CADPS: variants seen among roughly 807,000 people sequenced by gnomAD.
CADPS encodes calcium-dependent secretion activator 1.
In CADPS, 57 loss-of-function variants were observed where a neutral mutation model predicts 167.3. The observed-to-expected ratio is 0.34, with a 90% CI of 0.28 to 0.42. The LOEUF (loss-of-function observed/expected upper bound fraction) is 0.42, where lower values mean the gene tolerates loss of function less well. Among genes scored for constraint, CADPS ranks in the 20% least tolerant of loss-of-function variants. CADPS has a pLI of 1.00. For missense variants in CADPS, 1,414 were observed against 1,738.1 expected (o/e 0.81, Z 3.32); for synonymous variants, 676 against 635.3 (o/e 1.06, Z -0.96).
rs533712808 is a variant in CADPS at position 62,499,526 on chromosome 3, G to A, written c.2600-258C>T. 2.2e-5 allele frequency: 6 copies of A among 277,780 alleles called. No individual in the cohort carries two copies. The South Asian group carries it at 3.5e-4, about 16-fold the overall frequency. The allele number at this position is 277,780 out of a possible 1,614,324, so 17.2% of individuals were successfully genotyped here. ...ATGAAGCTATATTAAGTCTATGACA[G>A]CCCATATCAAATTTAGTGACATTTT... On this transcript the variant is annotated intron_variant, in intron 17 of 29. Transcript: ENST00000383710.
At chr3:62,427,249 T>C (rs2052937518) in intron 28 of CADPS, among the ~76,000 whole-genome samples, 1 of 152,158 alleles carries the variant, frequency 6.6e-6, no homozygotes, top group South Asian at 2.1e-4. Context: ...AATTGCTTTT[T>C]ATTTTTTAGC....
chr3:62,434,818 C>T (rs1007893556), intron 28 of CADPS, among the ~76,000 whole-genome samples: 2 of 152,136 alleles, frequency 1.3e-5, no homozygotes, highest in African/African-American at 4.8e-5. Flanking sequence ...ACCATCCAGC[C>T]TTTTCTACAA....
At chr3:62,759,613 G>A (rs973264463) in intron 2 of CADPS, among the ~76,000 whole-genome samples, 3 of 152,266 alleles carry the variant, frequency 2.0e-5, no homozygotes, top group South Asian at 4.1e-4. Flanking sequence ...AATAAAAGAA[G>A]TGGGTCCTTA....
intron 28 of CADPS, among the ~76,000 whole-genome samples, chr3:62,426,163 A>T (rs1460070468): frequency 6.6e-6 from 1 of 151,868 alleles, no homozygotes; most frequent in African/African-American, 2.4e-5. Context: ...TTATTTATTT[A>T]TTTTTTTAGA....
chr3:62,679,379 A>C (rs567260873), intron 3 of CADPS, among the ~76,000 whole-genome samples: 28 of 80,796 alleles, frequency 3.5e-4, no homozygotes, highest in African/African-American at 8.0e-4. Flanking sequence ...GTCCAGAGAG[A>C]TGCTGGTCCA....
chr3:62,570,065 T>C (rs2081005461), intron 9 of CADPS, among the ~76,000 whole-genome samples: 1 of 152,142 alleles, frequency 6.6e-6, no homozygotes, highest in South Asian at 2.1e-4. Flanking sequence ...AGATATTCCC[T>C]GCAGCCTTGT....
intron 5 of CADPS, among the ~76,000 whole-genome samples, chr3:62,649,870 G>A (rs1035688929): frequency 2.0e-5 from 3 of 151,880 alleles, no homozygotes; most frequent in East Asian, 1.9e-4. Context: ...TTCACCAGGC[G>A]TATTTTTGAG....
chr3:62,704,776 T>A (rs988598365), intron 3 of CADPS, among the ~76,000 whole-genome samples: 19 of 152,182 alleles, frequency 1.2e-4, no homozygotes, highest in Non-Finnish European at 1.9e-4. Flanking sequence ...GGATCCAGTA[T>A]CAAACAGCAC....
At chr3:62,795,700 T>G (rs1002965635) in intron 1 of CADPS, among the ~76,000 whole-genome samples, 3 of 152,194 alleles carry the variant, frequency 2.0e-5, no homozygotes, top group African/African-American at 7.2e-5. Context: ...TTGAAGAACT[T>G]TGAGTCTCTT....
At chr3:62,813,841 A>G (rs1040107961) in intron 1 of CADPS, among the ~76,000 whole-genome samples, 17 of 152,184 alleles carry the variant, frequency 1.1e-4, no homozygotes, top group African/African-American at 3.9e-4. Flanking sequence ...AGTGGCCAAC[A>G]AACAGCAGAG....
chr3:62,509,139 C>T lies in CADPS; in HGVS notation c.2599+3612G>A, dbSNP rs186625041. Among the ~76,000 whole-genome samples, 301 of 151,958 alleles carry T rather than the reference C, an allele frequency of 2.0e-3. 2 individuals carry two copies. The Middle Eastern group carries it at 0.034, about 17-fold the overall frequency. On this transcript the variant is annotated intron_variant, in intron 17 of 29. Coordinates refer to ENST00000383710, the MANE Select transcript of CADPS (RefSeq NM_003716.4). ...CCAACATGGTAAAACCCCATCTCTA[C>T]TAAAAATACAAAAAATTAGCTGGGC...
chr3:62,628,210 C>T (rs71296781), intron 6 of CADPS, among the ~76,000 whole-genome samples: 21 of 152,162 alleles, frequency 1.4e-4, no homozygotes, highest in Non-Finnish European at 2.6e-4. Flanking sequence ...TGTATTACTG[C>T]AACAGTGAAC....
At chr3:62,471,754 T>C (rs1026630546) in intron 24 of CADPS, among the ~76,000 whole-genome samples, 5 of 151,970 alleles carry the variant, frequency 3.3e-5, no homozygotes, top group African/African-American at 9.7e-5. Context: ...CTCAAGAAGA[T>C]TTAAGGGGAA....
At chr3:62,826,531 A>G (rs1424313422) in intron 1 of CADPS, among the ~76,000 whole-genome samples, 1 of 152,148 alleles carries the variant, frequency 6.6e-6, no homozygotes, top group African/African-American at 2.4e-5. Context: ...AGTTGGTGTG[A>G]TGGTAAGAAG....
chr3:62,806,413 T>C (rs183634769), intron 1 of CADPS, among the ~76,000 whole-genome samples: 3 of 150,868 alleles, frequency 2.0e-5, no homozygotes, highest in African/African-American at 7.3e-5. Flanking sequence ...GCAACTGTAT[T>C]CCTAGTTACT....
At chr3:62,763,931 A>T (rs2086190705) in intron 2 of CADPS, among the ~76,000 whole-genome samples, 1 of 152,234 alleles carries the variant, frequency 6.6e-6, no homozygotes, top group Admixed American at 6.5e-5. Flanking sequence ...ACTACAGAGG[A>T]AAACATTGGG....
At position 62,559,962 on chromosome 3, in the gene CADPS, T is replaced by C. The variant is rs529993061; in HGVS notation, c.1645-2449A>G. 2.0e-5 allele frequency among the ~76,000 whole-genome samples: 3 copies of C among 151,918 alleles called. No individual in the cohort carries two copies. The East Asian group carries it at 5.8e-4, about 29-fold the overall frequency. ...TTATGCATTTACTATTACTACATGGTTTGGGCTTTTTAATTTTTTTTTTTT... is the reference window on the plus strand; with the variant it reads ...TTATGCATTTACTATTACTACATGGCTTGGGCTTTTTAATTTTTTTTTTTT... On this transcript the variant is annotated intron_variant, in intron 9 of 29. Coordinates refer to ENST00000383710, the MANE Select transcript of CADPS (RefSeq NM_003716.4).
At chr3:62,679,769 T>C (rs1053159678) in intron 3 of CADPS, among the ~76,000 whole-genome samples, 8 of 152,014 alleles carry the variant, frequency 5.3e-5, no homozygotes, top group Non-Finnish European at 1.2e-4. Context: ...AAGTTGGATA[T>C]AAAATTGACA....
chr3:62,497,918 TTAAGTA>T (rs2065086383), intron 18 of CADPS, among the ~76,000 whole-genome samples: 1 of 152,194 alleles, frequency 6.6e-6, no homozygotes, highest in Admixed American at 6.5e-5. Context: ...GCAGTCGTTG[TTAAGTA>T]TATCAATTGC....
Sources: allele counts gnomAD v4.1 joint callset (sites outside exome capture counted in the v4.1 genomes callset), GRCh38; gene constraint gnomAD v4.1.1; transcripts MANE v1.5; gene names NCBI Gene and HGNC (gene_info 2026-07-23, HGNC 2026-07-21).